Variants in COL25A1 observed in about 807,000 individuals in gnomAD.
COL25A1 encodes the protein collagen alpha-1(XXV) chain.
In COL25A1, 103 loss-of-function variants were observed where a neutral mutation model predicts 128.4. That is an observed-to-expected ratio of 0.80 (90% CI 0.68 to 0.94). COL25A1 has a LOEUF of 0.94. Ranked by LOEUF, COL25A1 falls within the 40% of genes least tolerant of loss-of-function variation. The probability of loss-of-function intolerance (pLI) is 0.00; values close to 1 mark genes in which losing one functional copy is unlikely to be tolerated. For synonymous variants in COL25A1, 279 were observed against 277.2 expected, an observed-to-expected ratio of 1.01 and a Z score of -0.06; for missense variants, 745 against 840.0, an observed-to-expected ratio of 0.89 and a Z score of 1.40.
chr4:109,048,624 T>G (rs1003620336), intron 4 of COL25A1, among the ~76,000 whole-genome samples: 6 of 152,198 alleles, frequency 3.9e-5, no homozygotes, highest in Non-Finnish European at 8.8e-5. Flanking sequence ...TTCATCATTA[T>G]TGTAAATATG....
intron 3 of COL25A1, among the ~76,000 whole-genome samples, chr4:109,088,024 T>A (rs1208080661): frequency 6.6e-6 from 1 of 150,714 alleles, no homozygotes; most frequent in Non-Finnish European, 1.5e-5. Flanking sequence ...GTTTCCTTTT[T>A]TATTGAAAAT....
intron 37 of COL25A1, among the ~76,000 whole-genome samples, chr4:108,816,892 A>G (rs1424537131): frequency 6.6e-6 from 1 of 152,206 alleles, no homozygotes; most frequent in African/African-American, 2.4e-5. Context: ...TGAAGAGGCT[A>G]GAATAAACTG....
intron 11 of COL25A1, among the ~76,000 whole-genome samples, chr4:108,931,826 G>A (rs1161385617): frequency 2.0e-5 from 3 of 152,136 alleles, no homozygotes; most frequent in African/African-American, 7.2e-5. Context: ...CAGGCTCTGG[G>A]CAAAAGTACC....
rs1560620602 is a variant in COL25A1, at chr4:109,063,142, T to C, written c.368-12963A>G. On this transcript the variant is annotated intron_variant, in intron 3 of 37. Transcript: ENST00000399132. ...GTGTTACACTGCAAATGGCACTGAT[T>C]ATGCCACAGTTGCTCAGAGAAAAGT... Among the ~76,000 whole-genome samples the C allele has an allele frequency of 3.3e-5, 5 of 152,222 alleles. 1 individual carries two copies. The highest frequency in any genetic ancestry group is 4.1e-4 in the South Asian group (2 of 4,832).
intron 35 of COL25A1, among the ~76,000 whole-genome samples, chr4:108,820,105 T>C (rs1731631221): frequency 6.6e-6 from 1 of 152,132 alleles, no homozygotes. Flanking sequence ...TTTAAGATAC[T>C]CAACAAGACA....
chr4:108,976,396 C>T (rs892888243), intron 6 of COL25A1, among the ~76,000 whole-genome samples: 5 of 152,198 alleles, frequency 3.3e-5, no homozygotes. Context: ...AGTGATGCTA[C>T]GTATGTGGCT....
intron 3 of COL25A1, among the ~76,000 whole-genome samples, chr4:109,096,196 A>G (rs555819856): frequency 1.3e-5 from 2 of 152,308 alleles, no homozygotes; most frequent in African/African-American, 2.4e-5. Flanking sequence ...TCATTTTTTC[A>G]GCAGACAATA....
At chr4:108,935,172 G>A (rs1276266272) in intron 11 of COL25A1, among the ~76,000 whole-genome samples, 2 of 152,110 alleles carry the variant, frequency 1.3e-5, no homozygotes, top group Non-Finnish European at 2.9e-5. Context: ...ATTAAAAGAG[G>A]TAGATGATCT....
chr4:108,828,000 C>T (rs1560708715), intron 32 of COL25A1, among the ~76,000 whole-genome samples: 2 of 152,138 alleles, frequency 1.3e-5, no homozygotes, highest in African/African-American at 4.8e-5. Context: ...GGTTCTGGGG[C>T]CTCTAGCTTT....
intron 32 of COL25A1, among the ~76,000 whole-genome samples, chr4:108,829,886 G>C (rs1732874158): frequency 6.6e-6 from 1 of 152,210 alleles, no homozygotes; most frequent in Non-Finnish European, 1.5e-5. Flanking sequence ...CTCAGGAAGA[G>C]ACATGAGGTA....
intron 3 of COL25A1, among the ~76,000 whole-genome samples, chr4:109,275,599 T>C (rs1340230729): frequency 1.3e-5 from 2 of 152,348 alleles, no homozygotes; most frequent in Non-Finnish European, 2.9e-5. Context: ...TGAGGGCTTC[T>C]GTCTTCACTT....
intron 3 of COL25A1, among the ~76,000 whole-genome samples, chr4:109,174,192 C>A (rs1381961375): frequency 6.6e-6 from 1 of 152,058 alleles, no homozygotes; most frequent in Non-Finnish European, 1.5e-5. Flanking sequence ...CAGTTTTATA[C>A]CTAAAAACAT....
intron 5 of COL25A1, among the ~76,000 whole-genome samples, chr4:109,012,703 C>G (rs1461077414): frequency 6.6e-6 from 1 of 152,202 alleles, no homozygotes; most frequent in East Asian, 1.9e-4. Flanking sequence ...CGGGCCTCAG[C>G]CGCCTCTCCG....
At chr4:108,861,951 C>G (rs1737273179) in intron 22 of COL25A1, among the ~76,000 whole-genome samples, 1 of 152,136 alleles carries the variant, frequency 6.6e-6, no homozygotes, top group Non-Finnish European at 1.5e-5. Context: ...CATTAATAAT[C>G]TTTGCTCTCT....
At chr4:109,054,753 G>A (rs897967797) in intron 3 of COL25A1, among the ~76,000 whole-genome samples, 1 of 152,158 alleles carries the variant, frequency 6.6e-6, no homozygotes, top group Non-Finnish European at 1.5e-5. Flanking sequence ...GCAGAAAACC[G>A]AACTTGTGGT....
intron 3 of COL25A1, among the ~76,000 whole-genome samples, chr4:109,228,781 C>G (rs1778974259): frequency 6.6e-6 from 1 of 152,116 alleles, no homozygotes; most frequent in African/African-American, 2.4e-5. Flanking sequence ...TATGCTAGCA[C>G]CACCATCCCT....
intron 3 of COL25A1, among the ~76,000 whole-genome samples, chr4:109,209,225 A>G (rs1418605550): frequency 1.3e-5 from 2 of 152,206 alleles, no homozygotes; most frequent in African/African-American, 4.8e-5. Flanking sequence ...ATTCAGAATA[A>G]GCTAGTATCT....
intron 3 of COL25A1, among the ~76,000 whole-genome samples, chr4:109,152,956 G>A (rs1213687732): frequency 1.3e-5 from 2 of 152,110 alleles, no homozygotes; most frequent in African/African-American, 4.8e-5. Context: ...GGAGATGGAT[G>A]ATGGTGATGG....
intron 5 of COL25A1, among the ~76,000 whole-genome samples, chr4:109,039,091 A>G (rs943731479): frequency 2.0e-5 from 3 of 152,006 alleles, no homozygotes; most frequent in Non-Finnish European, 4.4e-5. Context: ...AATCCACCCC[A>G]GTCTCTACAT....
Sources: gnomAD v4.1 joint callset for allele counts (sites outside exome capture counted in the v4.1 genomes callset) on GRCh38, gnomAD v4.1.1 for gene constraint, MANE v1.5 for transcripts, NCBI Gene and HGNC (gene_info 2026-07-23, HGNC 2026-07-21) for gene names.